CCT2: variants seen among roughly 807,000 people sequenced by gnomAD.
CCT2 encodes chaperonin containing TCP1 subunit 2.
CCT2 carries 18 observed loss-of-function variants against 61.8 expected under a neutral mutation model. The ratio of observed to expected loss-of-function variants is 0.29; its 90% CI spans 0.20 to 0.43. The LOEUF is 0.43. CCT2 is among the 20% of genes least tolerant of loss of function. The pLI, the probability that CCT2 is intolerant of heterozygous loss-of-function variation, is 1.00. For synonymous variants in CCT2, 248 were observed against 215.9 expected (o/e 1.15, Z -1.30); for missense variants, 556 against 656.9 (o/e 0.85, Z 1.68).
chr12:69,597,073 C>G, intron 10 of CCT2, 83 bp from the exon 11 acceptor site: 1 of 1,256,172 alleles, frequency 8.0e-7, no homozygotes, highest in South Asian at 1.4e-5. Context: ...CATTACCTAT[C>G]ATTATCTATC....
intron 10 of CCT2, among the ~76,000 whole-genome samples, 168 bp from the exon 11 acceptor site, chr12:69,596,984 TTAAA>T (rs1882008799): frequency 6.6e-6 from 1 of 152,222 alleles, no homozygotes; most frequent in Non-Finnish European, 1.5e-5. Flanking sequence ...ATTTTAAAGA[TTAAA>T]TAATTAGTCG....
In CCT2 at chr12:69,587,498, C is replaced by G; in HGVS notation, c.145-7C>G. The G allele has an allele frequency of 6.5e-7, 1 of 1,539,782 alleles. No individual in the cohort carries two copies. On this transcript the variant is annotated splice_region_variant and splice_polypyrimidine_tract_variant and intron_variant, in intron 3 of 15. Coordinates refer to ENST00000299300, the MANE Select transcript of CCT2 (RefSeq NM_006431.3). ...GTCTTAACTTGAACCAATTATGTTC[C>G]CTTTAGGACAAAATTCTTCTAAGCA...
chr12:69,586,050 C>G, intron 1 of CCT2: 1 of 1,392,676 alleles, frequency 7.2e-7, no homozygotes, highest in Non-Finnish European at 9.3e-7. Context: ...ATTTATACTC[C>G]CGGGGGCCTT....
intron 13 of CCT2, 25 bp downstream of exon 13, chr12:69,598,096 C>T (rs751696524): frequency 9.9e-6 from 15 of 1,517,598 alleles, no homozygotes; most frequent in Middle Eastern, 1.7e-4. Flanking sequence ...ATGAGAGATC[C>T]GAACTTAAGT....
intron 9 of CCT2, 41 bp from the exon 10 acceptor site, chr12:69,593,469 A>G (rs776661184): frequency 2.3e-6 from 3 of 1,290,708 alleles, no homozygotes. Flanking sequence ...TTTATCTTGT[A>G]ACAGTTGTGA....
intron 1 of CCT2, chr12:69,585,822 C>A: frequency 7.5e-7 from 1 of 1,341,678 alleles, no homozygotes; most frequent in African/African-American, 1.5e-5. Flanking sequence ...GTGGGACCCG[C>A]TCCGCCCTCC....
rs1361543473 is a variant in CCT2, at chr12:69,595,512, A to T, written c.983-1644A>T. On this transcript the variant is annotated intron_variant, in intron 10 of 15. Transcript: ENST00000299300. ...AGACCAGCCTGGTCAATATGGTGAA[A>T]CCCTGTCTCTACTAAAAATAAAAAA... Among the ~76,000 whole-genome samples, 8 of 151,920 alleles carry T rather than the reference A, an allele frequency of 5.3e-5. 1 individual carries two copies. The East Asian group carries it at 1.5e-3, about 29-fold the overall frequency.
At chr12:69,591,397 A>G (rs1881831055) in intron 7 of CCT2, among the ~76,000 whole-genome samples, 1 of 152,128 alleles carries the variant, frequency 6.6e-6, no homozygotes, top group African/African-American at 2.4e-5. Flanking sequence ...CGAAGGTTAT[A>G]TAGCCAGCAG....
chr12:69,598,668 G>A (rs4761246), intron 14 of CCT2, among the ~76,000 whole-genome samples: 27,743 of 152,136 alleles, frequency 0.18, 2,790 homozygotes, highest in Middle Eastern at 0.29. Flanking sequence ...GGTATATAAC[G>A]ACTATAGGAT....
intron 10 of CCT2, among the ~76,000 whole-genome samples, chr12:69,596,135 G>A (rs556311299): frequency 1.6e-4 from 25 of 152,306 alleles, no homozygotes; most frequent in Middle Eastern, 3.4e-3. Context: ...AGCCAAGTTA[G>A]TCTTATTTTT....
intron 1 of CCT2, 98 bp from the exon 2 acceptor site, chr12:69,586,172 C>T: frequency 8.6e-7 from 1 of 1,160,322 alleles, no homozygotes; most frequent in Non-Finnish European, 1.3e-6. Context: ...AATGAGTTTT[C>T]TCTTAGATGT....
Position 69,588,016 on chromosome 12 carries a change from A to G in CCT2, c.333+10A>G, listed in dbSNP as rs1458376616. ...AGCAGAATTATTAAGGGTAAGAGCA[A>G]CTAAGCAACTCTTTTTTCCTACTGT... On this transcript the variant is annotated intron_variant, in intron 5 of 15. Coordinates refer to ENST00000299300, the MANE Select transcript of CCT2 (RefSeq NM_006431.3). 3.1e-6 allele frequency: 5 copies of G among 1,608,474 alleles called. No individual in the cohort carries two copies. The highest frequency in any genetic ancestry group is 1.3e-5 in the African/African-American group (1 of 74,816).
In CCT2 at chr12:69,586,215, G is replaced by A; in HGVS notation, c.4-55G>A. 17 of 1,318,510 alleles carry A rather than the reference G, an allele frequency of 1.3e-5. 1 individual carries two copies. The Middle Eastern group carries it at 5.5e-4, about 42-fold the overall frequency. 81.7% of individuals were successfully genotyped at this position (1,318,510 alleles called of 1,614,324 possible). A position where few individuals can be genotyped will look rare whatever the true frequency, so the allele number is the denominator to read the frequency against. On this transcript the variant is annotated intron_variant, in intron 1 of 15. Coordinates refer to ENST00000299300, the MANE Select transcript of CCT2 (RefSeq NM_006431.3). Reference sequence around the variant, plus strand: ...TAAGACTAGTGGAAGGCACCTCAGTGTATGTGTTAGAGTATTGGTACTTAA... The same window carrying A: ...TAAGACTAGTGGAAGGCACCTCAGTATATGTGTTAGAGTATTGGTACTTAA...
chr12:69,591,608 T>C (rs529725101), intron 7 of CCT2, among the ~76,000 whole-genome samples: 7 of 152,338 alleles, frequency 4.6e-5, no homozygotes, highest in African/African-American at 1.7e-4. Context: ...GAAACAAAAG[T>C]TTCAAAATAC....
intron 6 of CCT2, chr12:69,589,136 CA>C: frequency 2.1e-5 from 5 of 233,012 alleles, no homozygotes; most frequent in South Asian, 6.0e-5. Flanking sequence ...CCATGTTGCT[CA>C]GGCTGGTCTT....
At chr12:69,589,325 T>A in intron 6 of CCT2, 160 bp from the exon 7 acceptor site, 1 of 610,012 alleles carries the variant, frequency 1.6e-6, no homozygotes, top group Non-Finnish European at 2.8e-6. Flanking sequence ...GAAAATAACA[T>A]CTTTAATTTG....
intron 7 of CCT2, among the ~76,000 whole-genome samples, chr12:69,590,521 G>A (rs1881803529): frequency 6.6e-6 from 1 of 151,794 alleles, no homozygotes. Flanking sequence ...TCACAAAATG[G>A]CCTGTCAAAA....
intron 6 of CCT2, 126 bp downstream of exon 6, chr12:69,588,388 A>G (rs1203653452): frequency 7.3e-6 from 5 of 683,480 alleles, no homozygotes; most frequent in African/African-American, 7.2e-5. Context: ...CCCCACTCCA[A>G]CAGTCAAACC....
chr12:69,586,101 T>A, intron 1 of CCT2, 169 bp from the exon 2 acceptor site: 1 of 1,195,366 alleles, frequency 8.4e-7, no homozygotes, highest in Non-Finnish European at 1.1e-6. Context: ...CAAGTCCCTC[T>A]CTCCCACTTA....
Sources: gnomAD v4.1 joint callset for allele counts (sites outside exome capture counted in the v4.1 genomes callset) on GRCh38, gnomAD v4.1.1 for gene constraint, MANE v1.5 for transcripts, NCBI Gene and HGNC (gene_info 2026-07-23, HGNC 2026-07-21) for gene names.